ZFPM2: variants seen among roughly 807,000 people sequenced by gnomAD.
ZFPM2 encodes the protein zinc finger protein ZFPM2.
ZFPM2 carries 20 observed loss-of-function variants against 98.6 expected under a neutral mutation model. That is an observed-to-expected ratio of 0.20 (90% CI 0.14 to 0.29). The LOEUF (loss-of-function observed/expected upper bound fraction) is 0.29. Ranked by LOEUF, ZFPM2 falls within the 10% of genes least tolerant of loss-of-function variation. The probability of loss-of-function intolerance (pLI) is 1.00; values close to 1 mark genes in which losing one functional copy is unlikely to be tolerated. For missense variants in ZFPM2, 1,310 were observed against 1,388.6 expected (o/e 0.94, Z 0.90); for synonymous variants, 518 against 502.7 (o/e 1.03, Z -0.41).
chr8:105,461,712 G>A (rs951541582), intron 3 of ZFPM2, among the ~76,000 whole-genome samples: 14 of 151,982 alleles, frequency 9.2e-5, no homozygotes, highest in Non-Finnish European at 1.8e-4. Flanking sequence ...AGAGTTTACT[G>A]TGTGCCGGTT....
chr8:105,454,962 A>C (rs547448073), intron 3 of ZFPM2, among the ~76,000 whole-genome samples: 3 of 152,194 alleles, frequency 2.0e-5, no homozygotes, highest in Non-Finnish European at 4.4e-5. Context: ...TTTCTGTTCT[A>C]AACCTGGAGT....
chr8:105,398,823 C>T (rs1469898752), intron 1 of ZFPM2, among the ~76,000 whole-genome samples: 1 of 152,096 alleles, frequency 6.6e-6, no homozygotes, highest in Non-Finnish European at 1.5e-5. Flanking sequence ...AAATGTGTGG[C>T]ACCACTTTGT....
At chr8:105,407,395 A>G (rs1196038514) in intron 1 of ZFPM2, among the ~76,000 whole-genome samples, 1 of 151,974 alleles carries the variant, frequency 6.6e-6, no homozygotes, top group Non-Finnish European at 1.5e-5. Flanking sequence ...CCAAAAGCAA[A>G]CTAAAGAAAA....
At chr8:105,558,461 C>T (rs187832241) in intron 3 of ZFPM2, among the ~76,000 whole-genome samples, 35 of 152,160 alleles carry the variant, frequency 2.3e-4, no homozygotes, top group Admixed American at 2.1e-3. Flanking sequence ...CTGTTGTGGC[C>T]ATATTTAAGA....
chr8:105,752,519 ATG>A, intron 5 of ZFPM2, among the ~76,000 whole-genome samples: 1 of 152,292 alleles, frequency 6.6e-6, no homozygotes, highest in Admixed American at 6.5e-5. Flanking sequence ...TGGCAACAGC[ATG>A]CATATTTTAA....
intron 2 of ZFPM2, among the ~76,000 whole-genome samples, chr8:105,431,676 G>A (rs889356017): frequency 2.0e-5 from 3 of 152,144 alleles, no homozygotes; most frequent in African/African-American, 7.2e-5. Flanking sequence ...CACTTTGGGA[G>A]GCCAAGGTGG....
rs375403029 is a variant in ZFPM2 at position 105,802,174 on chromosome 8, C to A, written c.2092C>A (p.Arg698=). The A allele has an allele frequency of 1.9e-6, 3 of 1,613,908 alleles. No homozygotes were observed. Among genetic ancestry groups the A allele is most frequent in the Non-Finnish European group, 2.5e-6 (3 of 1,179,874 alleles). Residue 698 remains arginine, a synonymous_variant, in exon 8 of 8, where the codon CGG becomes AGG. Coordinates refer to ENST00000407775, the MANE Select transcript of ZFPM2 (RefSeq NM_012082.4). ...TGAAGCTTGCAACATTACCTTCAGC[C>A]GGCACGAAACATACATGGTCCACAA... is the stretch of plus-strand genomic sequence containing the variant. ...TCEACNITFS[R]HETYMVHKQY...
chr8:105,465,610 A>G (rs1216444473), intron 3 of ZFPM2, among the ~76,000 whole-genome samples: 1 of 152,008 alleles, frequency 6.6e-6, no homozygotes, highest in African/African-American at 2.4e-5. Flanking sequence ...CTACATAGTA[A>G]CATAATGATT....
chr8:105,441,452 G>GAAAGAAAGAA lies in ZFPM2; in HGVS notation c.200-2827_200-2826insAAGAAAGAAA, dbSNP rs1554604939. Among the ~76,000 whole-genome samples, 27 of 38,954 alleles carry GAAAGAAAGAA rather than the reference G, an allele frequency of 6.9e-4. 1 individual carries two copies. Among genetic ancestry groups the GAAAGAAAGAA allele is most frequent in the Non-Finnish European group, 1.0e-3 (24 of 23,030 alleles). 25.6% of individuals were successfully genotyped at this position (38,954 alleles called of 152,430 possible). A position where few individuals can be genotyped will look rare whatever the true frequency, so the allele number is the denominator to read the frequency against. On this transcript the variant is annotated intron_variant, in intron 2 of 7. Coordinates refer to ENST00000407775, the MANE Select transcript of ZFPM2 (RefSeq NM_012082.4). ...AGAAAGAAAGAGAGAGAGAGAGAGA[G>GAAAGAAAGAA]AGAAAGAAAGAAAGAAAGAAAGAAA...
chr8:105,698,890 C>A (rs1426032676), intron 5 of ZFPM2, among the ~76,000 whole-genome samples: 1 of 152,082 alleles, frequency 6.6e-6, no homozygotes, highest in East Asian at 1.9e-4. Context: ...ATTTCCAATT[C>A]CCATACAATC....
chr8:105,652,539 A>T (rs2130871148), intron 5 of ZFPM2, among the ~76,000 whole-genome samples: 1 of 152,136 alleles, frequency 6.6e-6, no homozygotes, highest in South Asian at 2.1e-4. Flanking sequence ...CCTCCTATTG[A>T]AATTCAATGA....
intron 5 of ZFPM2, among the ~76,000 whole-genome samples, chr8:105,703,455 G>A (rs574619743): frequency 6.2e-4 from 95 of 152,306 alleles, no homozygotes; most frequent in Non-Finnish European, 9.3e-4. Flanking sequence ...TTTGCTAGAC[G>A]GAGAACGAAG....
At chr8:105,590,044 T>G (rs2130762059) in intron 4 of ZFPM2, among the ~76,000 whole-genome samples, 1 of 152,220 alleles carries the variant, frequency 6.6e-6, no homozygotes, top group African/African-American at 2.4e-5. Context: ...TCTGATCCAT[T>G]TTGTTTACAG....
chr8:105,541,986 A>G (rs1206304487), intron 3 of ZFPM2, among the ~76,000 whole-genome samples: 1 of 152,158 alleles, frequency 6.6e-6, no homozygotes, highest in Non-Finnish European at 1.5e-5. Flanking sequence ...AGTATTACTG[A>G]TAAGTCTTTG....
At chr8:105,695,205 G>A (rs569609906) in intron 5 of ZFPM2, among the ~76,000 whole-genome samples, 103 of 151,932 alleles carry the variant, frequency 6.8e-4, no homozygotes, top group African/African-American at 2.2e-3. Flanking sequence ...ATCCTTCCAC[G>A]TACAATTCCC....
intron 2 of ZFPM2, among the ~76,000 whole-genome samples, chr8:105,419,555 T>A (rs1256325379): frequency 6.6e-6 from 1 of 152,202 alleles, no homozygotes; most frequent in Non-Finnish European, 1.5e-5. Context: ...CTTCATGTTA[T>A]TGGCCAATTA....
intron 5 of ZFPM2, among the ~76,000 whole-genome samples, chr8:105,704,049 A>G (rs1314856149): frequency 3.9e-5 from 6 of 152,062 alleles, no homozygotes; most frequent in African/African-American, 7.2e-5. Context: ...GTGAATTCAA[A>G]CCACATAAGC....
intron 2 of ZFPM2, among the ~76,000 whole-genome samples, chr8:105,427,790 G>A (rs987574307): frequency 1.3e-5 from 2 of 152,320 alleles, no homozygotes; most frequent in African/African-American, 4.8e-5. Context: ...TACTGATAAA[G>A]GATGCAGATT....
At chr8:105,487,929 T>TAG (rs1813264971) in intron 3 of ZFPM2, among the ~76,000 whole-genome samples, 1 of 82,692 alleles carries the variant, frequency 1.2e-5, no homozygotes, top group Non-Finnish European at 2.9e-5. Flanking sequence ...TATCTATCTA[T>TAG]CTAGCTAGCT....
Sources: gnomAD v4.1 joint callset for allele counts (sites outside exome capture counted in the v4.1 genomes callset) on GRCh38, gnomAD v4.1.1 for gene constraint, MANE v1.5 for transcripts, NCBI Gene and HGNC (gene_info 2026-07-23, HGNC 2026-07-21) for gene names.